ZNF627: variants seen among roughly 807,000 people sequenced by gnomAD.
ZNF627 encodes the protein zinc finger protein 627.
Under a neutral mutation model 10.6 loss-of-function variants are expected in ZNF627, and 12 were observed. The observed-to-expected ratio is 1.13, with a 90% CI of 0.73 to 1.84. The LOEUF is 1.84. Among genes scored for constraint, ZNF627 ranks in the 40% most tolerant of loss-of-function variants. The pLI is 0.00. For synonymous variants in ZNF627, 176 were observed against 187.1 expected (o/e 0.94, Z 0.48); for missense variants, 504 against 568.4 (o/e 0.89, Z 1.15).
chr19:11,603,259 G>T (rs1158742221), intron 1 of ZNF627, among the ~76,000 whole-genome samples: 1 of 147,658 alleles, frequency 6.8e-6, no homozygotes, highest in Non-Finnish European at 1.5e-5. Context: ...ACTGTATTTT[G>T]TACGACATCT....
At chr19:11,603,284 C>CTTT (rs34132887) in intron 1 of ZNF627, among the ~76,000 whole-genome samples, 1,203 of 119,926 alleles carry the variant, frequency 0.01, 36 homozygotes, top group African/African-American at 0.02. Flanking sequence ...TATTCTTAGC[C>CTTT]TTTTTTTTTT....
At chr19:11,610,650 T>C (rs893546483) in intron 1 of ZNF627, among the ~76,000 whole-genome samples, 3 of 152,100 alleles carry the variant, frequency 2.0e-5, no homozygotes, top group Non-Finnish European at 4.4e-5. Context: ...AGAGTATATA[T>C]TCAGGGCAAC....
intron 1 of ZNF627, among the ~76,000 whole-genome samples, chr19:11,597,860 G>T (rs1001823492): frequency 2.6e-5 from 4 of 152,232 alleles, no homozygotes; most frequent in African/African-American, 9.6e-5. Context: ...ACATGGTGCG[G>T]GGGCCGCGGG....
intron 1 of ZNF627, among the ~76,000 whole-genome samples, chr19:11,600,811 A>G (rs1443635767): frequency 6.6e-6 from 1 of 152,202 alleles, no homozygotes; most frequent in Non-Finnish European, 1.5e-5. Context: ...AAGTGTTCCA[A>G]TATGATTTAG....
intron 1 of ZNF627, among the ~76,000 whole-genome samples, chr19:11,603,024 C>CTAT (rs1456659442): frequency 6.6e-6 from 1 of 152,152 alleles, no homozygotes; most frequent in African/African-American, 2.4e-5. Context: ...GTTTTACCAT[C>CTAT]TATTTATCAT....
Position 11,618,093 on chromosome 19 carries a change from T to G in ZNF627, c.*204T>G, listed in dbSNP as rs192231701. 4.2e-6 allele frequency: 2 copies of G among 476,266 alleles called. No individual in the cohort carries two copies. Among genetic ancestry groups the G allele is most frequent in the East Asian group, 6.5e-5 (2 of 30,886 alleles). 29.5% of individuals were successfully genotyped at this position (476,266 alleles called of 1,614,324 possible). A position where few individuals can be genotyped will look rare whatever the true frequency, so the allele number is the denominator to read the frequency against. Reference sequence around the variant, plus strand: ...GGATCTCTGGATTGTGTTATGTCAGTGTTGGTAGGTTAGGAACTAGATTTC... The same window carrying G: ...GGATCTCTGGATTGTGTTATGTCAGGGTTGGTAGGTTAGGAACTAGATTTC... On this transcript the variant is annotated 3_prime_UTR_variant, in exon 4 of 4. Transcript: ENST00000361113.
At chr19:11,615,114 T>G (rs1271064482) in intron 3 of ZNF627, among the ~76,000 whole-genome samples, 1 of 151,284 alleles carries the variant, frequency 6.6e-6, no homozygotes, top group East Asian at 2.0e-4. Context: ...GCCGAGCTAA[T>G]TTTTTGTATT....
chr19:11,606,609 ACAGTGGGGACTCT>A (rs1973679319), intron 1 of ZNF627, among the ~76,000 whole-genome samples: 1 of 152,168 alleles, frequency 6.6e-6, no homozygotes, highest in Non-Finnish European at 1.5e-5. Context: ...AGGCAGTGCC[ACAGTGGGGACTCT>A]CTGTGGGGGC....
intron 1 of ZNF627, among the ~76,000 whole-genome samples, chr19:11,611,639 A>G (rs777097746): frequency 6.6e-6 from 1 of 152,228 alleles, no homozygotes; most frequent in Non-Finnish European, 1.5e-5. Flanking sequence ...TTTGCAATTC[A>G]TGAATTGGGG....
chr19:11,607,332 C>A (rs1447797659), intron 1 of ZNF627, among the ~76,000 whole-genome samples: 1 of 151,978 alleles, frequency 6.6e-6, no homozygotes, highest in Non-Finnish European at 1.5e-5. Flanking sequence ...GAAGGGGTTT[C>A]TCTATGTTGC....
At chr19:11,613,467 C>T (rs1973813582) in intron 1 of ZNF627, among the ~76,000 whole-genome samples, 1 of 150,654 alleles carries the variant, frequency 6.6e-6, no homozygotes, top group East Asian at 2.0e-4. Context: ...TCTGGGGGCC[C>T]CCTATGACTG....
chr19:11,612,455 A>ACT (rs34316773), intron 1 of ZNF627, among the ~76,000 whole-genome samples: 75,178 of 123,700 alleles, frequency 0.61, 22,148 homozygotes, highest in Admixed American at 0.64. Context: ...ACAGAGTCTC[A>ACT]CTGTCATCTA....
Position 11,617,763 on chromosome 19 carries a change from A to G in ZNF627, c.1260A>G (p.Glu420=). The change falls in exon 4 of 4, where the codon GAA becomes GAG. Residue 420 remains glutamate (E), a synonymous_variant. Transcript: ENST00000361113. ...CTCACACTGGAGAGAAACCCTATGA[A>G]TGTAAGCAATGTGGGAAAGCCTTCA... ...ERTHTGEKPY[E]CKQCGKAFSR... 6.2e-7 allele frequency: 1 copy of G among 1,612,142 alleles called. No individual in the cohort carries two copies. The highest frequency in any genetic ancestry group is 8.5e-7 in the Non-Finnish European group (1 of 1,179,572).
Position 11,597,592 on chromosome 19 carries a change from C to A in ZNF627, c.-36C>A. 1 of 1,325,610 alleles carries A rather than the reference C, an allele frequency of 7.5e-7. No homozygotes were observed. The highest frequency in any genetic ancestry group is 1.5e-5 in the African/African-American group (1 of 66,594). 82.1% of individuals were successfully genotyped at this position (1,325,610 alleles called of 1,614,324 possible). A position where few individuals can be genotyped will look rare whatever the true frequency, so the allele number is the denominator to read the frequency against. On this transcript the variant is annotated 5_prime_UTR_variant, in exon 1 of 4. Coordinates refer to ENST00000361113, the MANE Select transcript of ZNF627 (RefSeq NM_145295.4). ...CGTGACCTGTACAGGTCGCGGGAGT[C>A]GTAGGGAGGACGCCGGGACACCTGG...
rs931664535 is a variant in ZNF627 at position 11,614,434 on chromosome 19, G to A, written c.4-93G>A. On this transcript the variant is annotated intron_variant, in intron 1 of 3. Transcript: ENST00000361113. ...GAATCTTGAAATAAATGTTTGGAAA[G>A]CATAGCATCCTGAGAACTTCTTGGG... 8 of 1,567,420 alleles carry A rather than the reference G, an allele frequency of 5.1e-6. No individual in the cohort carries two copies. The African/African-American group carries it at 1.1e-4, about 21-fold the overall frequency.
intron 3 of ZNF627, among the ~76,000 whole-genome samples, chr19:11,615,629 C>G (rs1973853814): frequency 6.7e-6 from 1 of 150,118 alleles, no homozygotes; most frequent in Non-Finnish European, 1.5e-5. Context: ...AAATCTTCTC[C>G]AAAAACATAG....
Position 11,617,613 on chromosome 19 carries a change from A to G in ZNF627, c.1110A>G (p.Lys370=). The G allele has an allele frequency of 2.5e-6, 4 of 1,613,894 alleles. No homozygotes were observed. Among genetic ancestry groups the G allele is most frequent in the Admixed American group, 1.7e-5 (1 of 59,990 alleles). The change falls in exon 4 of 4, where the codon AAA becomes AAG. Residue 370 remains lysine, a synonymous_variant. Transcript: ENST00000361113. ...EKPYDCKQCG[K]AFSCSSSFRK... is the part of the protein sequence containing the mutation. ...CCTATGATTGTAAGCAATGTGGGAAAGCCTTCAGTTGTTCCAGTTCGTTTC... is the reference window on the plus strand; with the variant it reads ...CCTATGATTGTAAGCAATGTGGGAAGGCCTTCAGTTGTTCCAGTTCGTTTC...
rs1973921166 is a variant in ZNF627, at chr19:11,618,630, C to T, written c.*741C>T. 6.6e-6 allele frequency: 1 copy of T among 152,208 alleles called. No homozygotes were observed. Among genetic ancestry groups the T allele is most frequent in the African/African-American group, 2.4e-5 (1 of 41,456 alleles). The allele number at this position is 152,208 out of a possible 1,614,324, so 9.4% of individuals were successfully genotyped here. A position where few individuals can be genotyped will look rare whatever the true frequency, so the allele number is the denominator to read the frequency against. On this transcript the variant is annotated 3_prime_UTR_variant, in exon 4 of 4. Transcript: ENST00000361113. ...AAAACCAACCAGAGGGGAGCTTGTT[C>T]TTCTGCTGTAGTGTGCAGTGACTGG...
At chr19:11,614,704 T>C (rs923209287) in intron 2 of ZNF627, 51 bp downstream of exon 2, 26 of 1,612,740 alleles carry the variant, frequency 1.6e-5, no homozygotes, top group Non-Finnish European at 2.1e-5. Flanking sequence ...CAAGTGTTTC[T>C]AGCTCCTTAA....
Sources: allele counts gnomAD v4.1 joint callset (sites outside exome capture counted in the v4.1 genomes callset), GRCh38; gene constraint gnomAD v4.1.1; transcripts MANE v1.5; gene names NCBI Gene and HGNC (gene_info 2026-07-23, HGNC 2026-07-21).